Variants in DEPDC5 observed in about 807,000 individuals in gnomAD.
DEPDC5 encodes the protein DEP domain containing 5, GATOR1 subcomplex subunit.
Under a neutral mutation model 217.3 loss-of-function variants are expected in DEPDC5, and 73 were observed. The observed-to-expected ratio is 0.34, with a 90% confidence interval of 0.28 to 0.41. The LOEUF is 0.41. Among genes scored for constraint, DEPDC5 ranks in the 10% least tolerant of loss-of-function variants. The pLI, the probability that DEPDC5 is intolerant of heterozygous loss-of-function variation, is 1.00. For missense variants in DEPDC5, 1,675 were observed against 2,070.1 expected (o/e 0.81, Z 3.70); for synonymous variants, 733 against 756.7 (o/e 0.97, Z 0.51).
At chr22:31,890,830 A>G (rs955585334) in intron 38 of DEPDC5, among the ~76,000 whole-genome samples, 4 of 151,874 alleles carry the variant, frequency 2.6e-5, no homozygotes, top group African/African-American at 9.7e-5. Flanking sequence ...GGTTCAAGCA[A>G]TTCTCCTGCC....
At chr22:31,790,410 A>G (rs1432450493) in intron 10 of DEPDC5, among the ~76,000 whole-genome samples, 4 of 152,198 alleles carry the variant, frequency 2.6e-5, no homozygotes, top group Non-Finnish European at 5.9e-5. Flanking sequence ...CCCTACTTCT[A>G]GGATATTGAT....
At chr22:31,877,743 C>G (rs1265345343) in intron 37 of DEPDC5, among the ~76,000 whole-genome samples, 3 of 103,136 alleles carry the variant, frequency 2.9e-5, no homozygotes, top group Non-Finnish European at 5.6e-5. Flanking sequence ...GAGCGAGACT[C>G]CATCTCAAAA....
At chr22:31,798,009 C>T (rs577061345) in intron 13 of DEPDC5, among the ~76,000 whole-genome samples, 3 of 151,828 alleles carry the variant, frequency 2.0e-5, no homozygotes, top group Admixed American at 6.6e-5. Flanking sequence ...AACTTTAAAC[C>T]ACTGGGGCTC....
At chr22:31,886,139 A>C (rs1307855265) in intron 38 of DEPDC5, among the ~76,000 whole-genome samples, 1 of 151,928 alleles carries the variant, frequency 6.6e-6, no homozygotes, top group African/African-American at 2.4e-5. Flanking sequence ...TTTCCACCTG[A>C]GCCTCCCAAG....
chr22:31,821,123 C>T (rs1255670200), intron 22 of DEPDC5, among the ~76,000 whole-genome samples: 1 of 152,214 alleles, frequency 6.6e-6, no homozygotes, highest in Non-Finnish European at 1.5e-5. Flanking sequence ...ACAGTTGTTA[C>T]TCTCCTAGGT....
chr22:31,825,082 G>A (rs1305084353), intron 24 of DEPDC5, among the ~76,000 whole-genome samples: 1 of 152,116 alleles, frequency 6.6e-6, no homozygotes, highest in South Asian at 2.1e-4. Flanking sequence ...CTCTCAGGCT[G>A]TTTGGGGTAG....
intron 31 of DEPDC5, among the ~76,000 whole-genome samples, chr22:31,848,876 C>G (rs1290463088): frequency 6.6e-6 from 1 of 152,162 alleles, no homozygotes; most frequent in African/African-American, 2.4e-5. Context: ...GCCAGATACC[C>G]TAAATCATCT....
chr22:31,879,881 GTGTC>G (rs1157621242), intron 38 of DEPDC5, 129 bp downstream of exon 38: 4 of 896,528 alleles, frequency 4.5e-6, no homozygotes, highest in African/African-American at 3.3e-5. Flanking sequence ...ACAGGCCACT[GTGTC>G]TGTCGGCACT....
intron 24 of DEPDC5, among the ~76,000 whole-genome samples, chr22:31,827,085 T>C (rs1009942180): frequency 1.3e-5 from 2 of 152,032 alleles, no homozygotes; most frequent in African/African-American, 2.4e-5. Flanking sequence ...CTCTGAATGC[T>C]TGGCTTCTCA....
In DEPDC5 at chr22:31,843,165, A is replaced by G; in HGVS notation, c.2586A>G (p.Lys862=). The change falls in exon 28 of 43, where the codon AAA becomes AAG. Residue 862 remains lysine (K), a synonymous_variant. Coordinates refer to ENST00000651528, the MANE Select transcript of DEPDC5 (RefSeq NM_001242896.3). ...TGAGTATGGGCAGAACGTTCCACAA[A>G]GTGACGCTGAAGGATAAGATGATCA... ...YWLSMGRTFH[K]VTLKDKMITV... The G allele has an allele frequency of 6.2e-7, 1 of 1,614,196 alleles. No homozygotes were observed.
chr22:31,850,873 A>G (rs1018060729), intron 31 of DEPDC5, among the ~76,000 whole-genome samples: 5 of 152,212 alleles, frequency 3.3e-5, no homozygotes, highest in Admixed American at 1.3e-4. Flanking sequence ...GATTGAGACC[A>G]TCCTGGCCAA....
At chr22:31,817,587 C>T (rs924601157) in intron 21 of DEPDC5, 3 of 227,774 alleles carry the variant, frequency 1.3e-5, no homozygotes, top group South Asian at 1.1e-4. Context: ...CTCCTGGGCT[C>T]ACGTGATCCT....
At chr22:31,826,858 T>A (rs1256246504) in intron 24 of DEPDC5, among the ~76,000 whole-genome samples, 3 of 152,168 alleles carry the variant, frequency 2.0e-5, no homozygotes, top group African/African-American at 7.2e-5. Context: ...ACACACAATA[T>A]TATTATTTAA....
chr22:31,895,461 T>A (rs552246742), intron 39 of DEPDC5, among the ~76,000 whole-genome samples: 1 of 152,322 alleles, frequency 6.6e-6, no homozygotes, highest in East Asian at 1.9e-4. Context: ...AGCCAAGTTG[T>A]CAGTATCTTC....
intron 14 of DEPDC5, among the ~76,000 whole-genome samples, chr22:31,801,261 A>G (rs550658776): frequency 4.6e-4 from 70 of 152,312 alleles, no homozygotes; most frequent in Non-Finnish European, 4.7e-4. Flanking sequence ...GTGCCACTGC[A>G]TTCCAGCCTG....
At chr22:31,860,727 A>G (rs1402880206) in intron 32 of DEPDC5, among the ~76,000 whole-genome samples, 4 of 152,074 alleles carry the variant, frequency 2.6e-5, no homozygotes, top group Admixed American at 2.6e-4. Flanking sequence ...AGGAGAAGGT[A>G]TGGCTGCTTC....
chr22:31,888,097 T>C (rs1380910577), intron 38 of DEPDC5, among the ~76,000 whole-genome samples: 2 of 152,082 alleles, frequency 1.3e-5, no homozygotes, highest in Non-Finnish European at 2.9e-5. Flanking sequence ...GCTTGGCTCA[T>C]GGGGGCTCCC....
chr22:31,879,029 C>CAAAA lies in DEPDC5; in HGVS notation c.3806-484_3806-481dup, dbSNP rs1264327219. On this transcript the variant is annotated intron_variant, in intron 37 of 42. Coordinates refer to ENST00000651528, the MANE Select transcript of DEPDC5 (RefSeq NM_001242896.3). ...TGGGCGACAGAGCGAGACTCCGTCT[C>CAAAA]AAAAAAAAAAAAAAATATATATATA... Among the ~76,000 whole-genome samples the CAAAA allele has an allele frequency of 3.1e-3, 212 of 68,042 alleles. 7 individuals carry two copies. Among genetic ancestry groups the CAAAA allele is most frequent in the African/African-American group, 0.013 (161 of 12,618 alleles). 44.6% of individuals were successfully genotyped at this position (68,042 alleles called of 152,430 possible). A position where few individuals can be genotyped will look rare whatever the true frequency, so the allele number is the denominator to read the frequency against.
chr22:31,873,328 C>T lies in DEPDC5; in HGVS notation c.3559C>T (p.Pro1187Ser), dbSNP rs771536733. Reference sequence around the variant, plus strand: ...AGAGATCCTGGAAGCCATGAAGCACCCCTCGTAAGTGGCTCACCACAGTGT... The same window carrying T: ...AGAGATCCTGGAAGCCATGAAGCACTCCTCGTAAGTGGCTCACCACAGTGT... ...LTEILEAMKH[P>S]STGVQLLSEQ... is the part of the protein sequence containing the mutation. The change falls in exon 35 of 43, where the codon CCC (proline) becomes TCC (serine). Residue 1187 changes from proline (P) to serine (S), a missense_variant. Coordinates refer to ENST00000651528, the MANE Select transcript of DEPDC5 (RefSeq NM_001242896.3). 1.9e-6 allele frequency: 3 copies of T among 1,613,788 alleles called. No homozygotes were observed. The highest frequency in any genetic ancestry group is 2.5e-6 in the Non-Finnish European group (3 of 1,179,768).
Sources: gnomAD v4.1 joint callset for allele counts (sites outside exome capture counted in the v4.1 genomes callset) on GRCh38, gnomAD v4.1.1 for gene constraint, MANE v1.5 for transcripts, NCBI Gene and HGNC (gene_info 2026-07-23, HGNC 2026-07-21) for gene names.